The following ERC1 variants were observed in gnomAD, a reference collection of about 807,000 sequenced individuals.
The protein encoded by ERC1 is RAB6 interacting protein 2.
In ERC1, 56 loss-of-function variants were observed where a neutral mutation model predicts 132.0. The observed-to-expected ratio is 0.42, with a 90% CI of 0.34 to 0.53. The LOEUF is 0.53. Among genes scored for constraint, ERC1 ranks in the 20% least tolerant of loss-of-function variants. The pLI is 0.03. For synonymous variants in ERC1, 478 were observed against 476.1 expected, an observed-to-expected ratio of 1.00 and a Z score of -0.05; for missense variants, 1,202 against 1,349.9, an observed-to-expected ratio of 0.89 and a Z score of 1.72.
Position 1,490,884 on chromosome 12 carries a change from T to G in ERC1, c.*654T>G, listed in dbSNP as rs1422125431. The G allele has an allele frequency of 4.3e-6, 1 of 232,866 alleles. No homozygotes were observed. Among genetic ancestry groups the G allele is most frequent in the Non-Finnish European group, 8.5e-6 (1 of 117,870 alleles). The allele number at this position is 232,866 out of a possible 1,614,324, so 14.4% of individuals were successfully genotyped here. Reference sequence around the variant, plus strand: ...GTCTGAGTCTTCATCCAGCCCTGCCTGTCTGTCGCAGCCTTCCTCACTCTG... The same window carrying G: ...GTCTGAGTCTTCATCCAGCCCTGCCGGTCTGTCGCAGCCTTCCTCACTCTG... On this transcript the variant is annotated 3_prime_UTR_variant, in exon 19 of 19. Transcript: ENST00000360905.
chr12:1,310,383 A>G lies in ERC1; in HGVS notation c.2780+20371A>G, dbSNP rs146599182. On this transcript the variant is annotated intron_variant, in intron 15 of 18. Transcript: ENST00000360905. ...CAACAGGCCCATCTAATTTTTTTGT[A>G]TTTTTAGTAGAGATGGTGTTTTACC... 4.8e-3 allele frequency among the ~76,000 whole-genome samples: 726 copies of G among 151,802 alleles called. 2 individuals are homozygous for G. The highest frequency in any genetic ancestry group is 0.016 in the African/African-American group (667 of 41,390).
chr12:1,361,752 T>C (rs780748819), intron 15 of ERC1, among the ~76,000 whole-genome samples: 2 of 152,190 alleles, frequency 1.3e-5, no homozygotes, highest in Non-Finnish European at 2.9e-5. Context: ...ATTAAAAAAC[T>C]GAGGATGTAA....
chr12:1,035,768 A>G (rs1968941763), intron 2 of ERC1, among the ~76,000 whole-genome samples: 1 of 151,924 alleles, frequency 6.6e-6, no homozygotes, highest in Admixed American at 6.6e-5. Context: ...TAAAAATACA[A>G]AAAATTAGCT....
At chr12:1,293,645 ATTGTGGGG>A (rs922283661) in intron 15 of ERC1, among the ~76,000 whole-genome samples, 3 of 151,776 alleles carry the variant, frequency 2.0e-5, no homozygotes, top group African/African-American at 7.3e-5. Context: ...AAAAAAAAAA[ATTGTGGGG>A]TTGTTCACAT....
rs1222675018 is a variant in ERC1 at position 1,115,996 on chromosome 12, C to T, written c.1532C>T (p.Thr511Ile). 2 of 1,614,018 alleles carry T rather than the reference C, an allele frequency of 1.2e-6. No homozygotes were observed. The highest frequency in any genetic ancestry group is 2.2e-5 in the South Asian group (2 of 91,040). The change falls in exon 7 of 19, where the codon ACT becomes ATT. Residue 511 changes from threonine to isoleucine, a missense_variant. Physicochemically the swap from Thr to Ile is moderately conservative, Grantham distance 89. Transcript: ENST00000360905. ...ATTGAAGTGTTGAAGGAGTCCTTGA[C>T]TGCTAAGGAGCAGAGGGCTGCCATC... The part of the protein sequence containing the change: ...QHIEVLKESL[T>I]AKEQRAAILQ...
chr12:1,063,122 T>C (rs1214483785), intron 2 of ERC1, among the ~76,000 whole-genome samples: 1 of 152,022 alleles, frequency 6.6e-6, no homozygotes, highest in African/African-American at 2.4e-5. Flanking sequence ...GGAGTGACTG[T>C]AGTAGCATGA....
chr12:1,153,397 CTT>C (rs1300767653), intron 8 of ERC1, among the ~76,000 whole-genome samples: 1 of 152,258 alleles, frequency 6.6e-6, no homozygotes, highest in Non-Finnish European at 1.5e-5. Flanking sequence ...AGGCTTGAGA[CTT>C]ATACGTGTTT....
intron 3 of ERC1, among the ~76,000 whole-genome samples, chr12:1,093,972 TATATATATATATAG>T (rs1264990000): frequency 7.6e-6 from 1 of 131,136 alleles, no homozygotes; most frequent in Non-Finnish European, 1.7e-5. Flanking sequence ...TATATATATA[TATATATATATATAG>T]AAAAACATAG....
chr12:1,159,157 G>A (rs1951666433), intron 8 of ERC1, among the ~76,000 whole-genome samples: 1 of 152,144 alleles, frequency 6.6e-6, no homozygotes, highest in Non-Finnish European at 1.5e-5. Context: ...GTTTTGGACA[G>A]TTTTGACCCT....
chr12:1,328,640 G>T (rs1027238547), intron 15 of ERC1, among the ~76,000 whole-genome samples: 1 of 150,214 alleles, frequency 6.7e-6, no homozygotes, highest in Non-Finnish European at 1.5e-5. Context: ...TCCCCCTCTT[G>T]CCTTTTTCCT....
At chr12:1,410,154 A>G (rs2091759095) in intron 17 of ERC1, among the ~76,000 whole-genome samples, 1 of 152,110 alleles carries the variant, frequency 6.6e-6, no homozygotes, top group Non-Finnish European at 1.5e-5. Flanking sequence ...ATATGTATGT[A>G]TATGTATATA....
intron 15 of ERC1, among the ~76,000 whole-genome samples, chr12:1,323,174 T>A (rs556944713): frequency 0.21 from 31,614 of 151,562 alleles, 3,788 homozygotes; most frequent in Non-Finnish European, 0.27. Context: ...TGGACGTAAG[T>A]GTGCAATGTC....
intron 8 of ERC1, among the ~76,000 whole-genome samples, chr12:1,162,113 T>C (rs898476413): frequency 5.3e-5 from 8 of 152,184 alleles, no homozygotes; most frequent in African/African-American, 1.4e-4. Flanking sequence ...TATACATATT[T>C]GTATGCACTA....
At chr12:1,138,260 T>A (rs1415479728) in intron 7 of ERC1, among the ~76,000 whole-genome samples, 1 of 134,236 alleles carries the variant, frequency 7.4e-6, no homozygotes, top group East Asian at 2.0e-4. Context: ...TGATATATAT[T>A]ATATAATATA....
chr12:1,462,670 GA>G (rs1480463106), intron 18 of ERC1, among the ~76,000 whole-genome samples: 3 of 152,126 alleles, frequency 2.0e-5, no homozygotes, highest in Non-Finnish European at 2.9e-5. Flanking sequence ...TTACTTATAG[GA>G]ATTGACTGAA....
chr12:1,072,305 A>C (rs968144725), intron 2 of ERC1, among the ~76,000 whole-genome samples: 2 of 152,244 alleles, frequency 1.3e-5, no homozygotes, highest in African/African-American at 4.8e-5. Flanking sequence ...TAACCAAGGA[A>C]GCAAATTTAT....
At chr12:1,030,669 C>T (rs548065247) in intron 2 of ERC1, among the ~76,000 whole-genome samples, 175 of 152,178 alleles carry the variant, frequency 1.1e-3, no homozygotes, top group Non-Finnish European at 1.9e-3. Context: ...CACAGTCAGC[C>T]GAGATTGGGC....
intron 7 of ERC1, among the ~76,000 whole-genome samples, chr12:1,140,940 CTTA>C (rs1406185129): frequency 4.6e-5 from 7 of 151,984 alleles, no homozygotes; most frequent in Non-Finnish European, 1.0e-4. Context: ...GAAAATATGA[CTTA>C]TTATTTTCCT....
intron 13 of ERC1, among the ~76,000 whole-genome samples, chr12:1,254,231 A>AAAAT (rs1441101940): frequency 6.6e-6 from 1 of 152,196 alleles, no homozygotes; most frequent in Non-Finnish European, 1.5e-5. Flanking sequence ...GATAGCTATT[A>AAAAT]AGTGAGATGT....
Sources: allele counts gnomAD v4.1 joint callset (sites outside exome capture counted in the v4.1 genomes callset), GRCh38; gene constraint gnomAD v4.1.1; transcripts MANE v1.5; gene names NCBI Gene and HGNC (gene_info 2026-07-23, HGNC 2026-07-21).